Variants in ARFGAP1 observed in about 807,000 individuals in gnomAD.
ARFGAP1 encodes ARF GTPase activating protein 1.
Under a neutral mutation model 54.0 loss-of-function variants are expected in ARFGAP1, and 26 were observed. The observed-to-expected ratio is 0.48, with a 90% confidence interval of 0.35 to 0.67. The LOEUF (loss-of-function observed/expected upper bound fraction) is 0.67, where lower values mean the gene tolerates loss of function less well. Among genes scored for constraint, ARFGAP1 ranks in the 30% least tolerant of loss-of-function variants. The probability of loss-of-function intolerance (pLI) is 0.00; values close to 1 mark genes in which losing one functional copy is unlikely to be tolerated. For missense variants in ARFGAP1, 525 were observed against 535.8 expected (o/e 0.98, Z 0.20); for synonymous variants, 248 against 211.9 (o/e 1.17, Z -1.48).
Position 63,276,871 on chromosome 20 carries a change from G to T in ARFGAP1, c.342+220G>T, listed in dbSNP as rs1192646618. On this transcript the variant is annotated intron_variant, in intron 4 of 12. Transcript: ENST00000370283. The surrounding 1 kb of genome is among the most constrained non-coding windows in gnomAD (Gnocchi z 5.2). ...AGACAGACCTTCCCCGCCTCCAGGG[G>T]AGAAAGCAGCTGTGACCGTTTATTG... 5.2e-6 allele frequency: 3 copies of T among 574,380 alleles called. No individual in the cohort carries two copies. The highest frequency in any genetic ancestry group is 2.8e-5 in the East Asian group (1 of 35,110). 35.6% of individuals were successfully genotyped at this position (574,380 alleles called of 1,614,324 possible). A position where few individuals can be genotyped will look rare whatever the true frequency, so the allele number is the denominator to read the frequency against.
chr20:63,278,954 G>A lies in ARFGAP1; in HGVS notation c.586G>A (p.Glu196Lys), dbSNP rs1220378482. 1 of 1,614,100 alleles carries A rather than the reference G, an allele frequency of 6.2e-7. No homozygotes were observed. The highest frequency in any genetic ancestry group is 2.2e-5 in the East Asian group (1 of 44,872). Residue 196 changes from glutamate (E) to lysine (K), a missense_variant, in exon 7 of 13, where the codon GAA becomes AAA. Glu to Lys is a moderately conservative substitution (Grantham distance 56). Around this residue, in one of 3 missense-constraint regions of ARFGAP1, gnomAD observed 466 missense variants for 453.6 expected, o/e 1.03. Coordinates refer to ENST00000370283, the MANE Select transcript of ARFGAP1 (RefSeq NM_018209.4). ...FGNTPPPQKK[E>K]DDFLNNAMSS... is the part of the protein sequence containing the mutation. Reference sequence around the variant, plus strand: ...GAACACGCCACCGCCTCAGAAGAAAGAAGATGACTTCCTCAACAACGCCAT... The same window carrying A: ...GAACACGCCACCGCCTCAGAAGAAAAAAGATGACTTCCTCAACAACGCCAT...
rs1397734666 is a variant in ARFGAP1, at chr20:63,278,186, C to T, written c.513C>T (p.Asp171=). ...DKAFEDWLND[D]LGSYQGAQGN... is the part of the protein sequence containing the mutation. ...CTTTTGAAGACTGGCTGAATGATGA[C>T]CTCGGCTCCTATCAAGGGTAAGGAC... Residue 171 remains aspartate (D), a synonymous_variant, in exon 6 of 13, where the codon GAC becomes GAT. Transcript: ENST00000370283. 1.9e-6 allele frequency: 3 copies of T among 1,613,374 alleles called. No individual in the cohort carries two copies. Among genetic ancestry groups the T allele is most frequent in the Non-Finnish European group, 2.5e-6 (3 of 1,179,898 alleles).
chr20:63,278,397 G>A (rs1036247727), intron 6 of ARFGAP1, 194 bp downstream of exon 6: 11 of 556,780 alleles, frequency 2.0e-5, no homozygotes, highest in Admixed American at 6.3e-5. Flanking sequence ...ATTGCAGTGA[G>A]CCCCAGCCAG....
intron 9 of ARFGAP1, chr20:63,283,766 A>G (rs1321942048): frequency 7.3e-6 from 11 of 1,506,740 alleles, no homozygotes; most frequent in African/African-American, 1.4e-5. Flanking sequence ...GCGGCACCCC[A>G]TGGTGGGTTC....
chr20:63,284,612 G>A (rs1011058485), intron 9 of ARFGAP1: 2 of 1,351,844 alleles, frequency 1.5e-6, no homozygotes, highest in Non-Finnish European at 1.9e-6. Flanking sequence ...GGTGGCGCGT[G>A]AGGGAGGACC....
At chr20:63,273,775 T>C (rs1601326838) in intron 1 of ARFGAP1, among the ~76,000 whole-genome samples, 1 of 152,208 alleles carries the variant, frequency 6.6e-6, no homozygotes, top group South Asian at 2.1e-4. Context: ...CGTGGTGCTA[T>C]GGAAAGAGTA....
chr20:63,277,211 G>T lies in ARFGAP1; in HGVS notation c.349G>T (p.Ala117Ser), dbSNP rs368286012. 1 of 1,611,882 alleles carries T rather than the reference G, an allele frequency of 6.2e-7. No homozygotes were observed. Among genetic ancestry groups the T allele is most frequent in the African/African-American group, 1.3e-5 (1 of 75,006 alleles). Residue 117 changes from alanine to serine, a missense_variant, in exon 5 of 13, where the codon GCT becomes TCT. By Grantham distance (99) the Ala-to-Ser change is moderately conservative. Transcript: ENST00000370283. ...AAALFRDKVV[A>S]LAEGREWSLE... Reference sequence around the variant, plus strand: ...CCCTGTGTCTCCTTGTCAGGTGGTCGCTCTGGCCGAAGGCAGAGAGTGGTC... The same window carrying T: ...CCCTGTGTCTCCTTGTCAGGTGGTCTCTCTGGCCGAAGGCAGAGAGTGGTC...
At chr20:63,275,070 C>T (rs2067198572) in intron 1 of ARFGAP1, among the ~76,000 whole-genome samples, 1 of 152,194 alleles carries the variant, frequency 6.6e-6, no homozygotes, top group South Asian at 2.1e-4. Context: ...CAGCGGGGCA[C>T]AGGCGGGAGC....
intron 9 of ARFGAP1, chr20:63,284,190 CG>C: frequency 7.8e-7 from 1 of 1,285,378 alleles, no homozygotes. Context: ...GGAGGGAGGG[CG>C]GGGGCACTGG....
chr20:63,284,428 T>C, intron 9 of ARFGAP1: 1 of 1,080,276 alleles, frequency 9.3e-7, no homozygotes, highest in Non-Finnish European at 1.1e-6. Flanking sequence ...TCTCAGCAGC[T>C]TCTTCCTATG....
chr20:63,275,372 C>T (rs2067208911), intron 1 of ARFGAP1, among the ~76,000 whole-genome samples: 1 of 152,174 alleles, frequency 6.6e-6, no homozygotes, highest in South Asian at 2.1e-4. Context: ...GCCTGGGAGC[C>T]TCCTGGGGGT....
At chr20:63,280,915 C>T (rs998577661) in intron 7 of ARFGAP1, among the ~76,000 whole-genome samples, 13 of 152,186 alleles carry the variant, frequency 8.5e-5, no homozygotes, top group Non-Finnish European at 1.6e-4. Flanking sequence ...GAGCAGGTTA[C>T]GCTGGTCGTG....
Position 63,288,433 on chromosome 20 carries a change from G to A in ARFGAP1, c.*560G>A. On this transcript the variant is annotated 3_prime_UTR_variant, in exon 13 of 13. Transcript: ENST00000370283. ...GTCCACGCCTGCCTGGGCCTGTGCTGTCAGACCCGCGTCGGTCGTAACCCT... is the reference window on the plus strand; with the variant it reads ...GTCCACGCCTGCCTGGGCCTGTGCTATCAGACCCGCGTCGGTCGTAACCCT... 4.4e-6 allele frequency: 2 copies of A among 456,118 alleles called. No homozygotes were observed. The highest frequency in any genetic ancestry group is 8.8e-6 in the Non-Finnish European group (2 of 226,834). The allele number at this position is 456,118 out of a possible 1,614,324, so 28.3% of individuals were successfully genotyped here.
intron 9 of ARFGAP1, chr20:63,284,091 A>G (rs2067458742): frequency 7.5e-7 from 1 of 1,342,122 alleles, no homozygotes; most frequent in African/African-American, 1.5e-5. Flanking sequence ...CCTGCGCAGT[A>G]CCACTGCGCT....
intron 9 of ARFGAP1, chr20:63,284,294 C>G (rs577164611): frequency 9.2e-7 from 1 of 1,087,076 alleles, no homozygotes; most frequent in Non-Finnish European, 1.1e-6. Context: ...GAGTTCTTCC[C>G]TTTCCGGCCT....
chr20:63,280,619 T>C (rs1353719897), intron 7 of ARFGAP1, among the ~76,000 whole-genome samples: 1 of 152,246 alleles, frequency 6.6e-6, no homozygotes, highest in East Asian at 1.9e-4. Flanking sequence ...CTGACGGCCA[T>C]GGTTGCTAGC....
chr20:63,280,395 C>A (rs1488519447), intron 7 of ARFGAP1, among the ~76,000 whole-genome samples: 12 of 152,228 alleles, frequency 7.9e-5, no homozygotes, highest in Non-Finnish European at 1.8e-4. Context: ...CCCACCTGGG[C>A]CTCTCAAGTT....
intron 9 of ARFGAP1, 29 bp from the exon 10 acceptor site, chr20:63,284,837 T>TG (rs770702098): frequency 3.7e-6 from 6 of 1,611,502 alleles, no homozygotes; most frequent in East Asian, 2.2e-5. Flanking sequence ...GGAGCTGTCG[T>TG]GGGGCTCACG....
At chr20:63,280,581 C>T (rs778087639) in intron 7 of ARFGAP1, among the ~76,000 whole-genome samples, 1 of 152,286 alleles carries the variant, frequency 6.6e-6, no homozygotes, top group Non-Finnish European at 1.5e-5. Flanking sequence ...TCCAGTCGCT[C>T]GGGGTGGCCT....
Sources: allele counts gnomAD v4.1 joint callset (sites outside exome capture counted in the v4.1 genomes callset), GRCh38; gene constraint gnomAD v4.1.1; regional missense constraint gnomAD v4.1.1; non-coding constraint Gnocchi (gnomAD v3.1); transcripts MANE v1.5; gene names NCBI Gene and HGNC (gene_info 2026-07-23, HGNC 2026-07-21).